Variants in ULK2 observed in about 807,000 individuals in gnomAD.
ULK2 encodes the protein unc-51 like autophagy activating kinase 2, also known as serine/threonine-protein kinase ULK2.
ULK2 carries 76 observed loss-of-function variants against 127.5 expected under a neutral mutation model. That is an observed-to-expected ratio of 0.60 (90% confidence interval 0.50 to 0.72). The LOEUF is 0.72. Ranked by LOEUF, ULK2 falls within the 30% of genes least tolerant of loss-of-function variation. The pLI is 0.00. For synonymous variants in ULK2, 452 were observed against 461.9 expected (o/e 0.98, Z 0.28); for missense variants, 1,144 against 1,295.9 (o/e 0.88, Z 1.80).
chr17:19,853,897 C>G (rs1232483962), intron 3 of ULK2, among the ~76,000 whole-genome samples: 1 of 152,172 alleles, frequency 6.6e-6, no homozygotes, highest in Non-Finnish European at 1.5e-5. Flanking sequence ...ATAACATCAC[C>G]ATGAGTGATA....
chr17:19,841,612 G>T, intron 8 of ULK2, 65 bp from the exon 9 acceptor site: 2 of 1,292,670 alleles, frequency 1.5e-6, no homozygotes, highest in Non-Finnish European at 1.1e-6. Context: ...TCATATGATT[G>T]ACACTCATAT....
chr17:19,783,977 C>A (rs1302267520), intron 21 of ULK2, 72 bp from the exon 22 acceptor site: 2 of 1,259,452 alleles, frequency 1.6e-6, no homozygotes, highest in Non-Finnish European at 2.0e-6. Flanking sequence ...CTCTTATTTA[C>A]TAAACAAACC....
chr17:19,799,701 C>A, intron 16 of ULK2, 126 bp from the exon 17 acceptor site: 1 of 871,002 alleles, frequency 1.1e-6, no homozygotes, highest in Non-Finnish European at 1.6e-6. Flanking sequence ...TTTTAAGTAA[C>A]AAACGTTTAG....
intron 26 of ULK2, among the ~76,000 whole-genome samples, chr17:19,777,004 G>A (rs1324850285): frequency 6.6e-6 from 1 of 152,160 alleles, no homozygotes; most frequent in African/African-American, 2.4e-5. Context: ...CTGCAAGGCA[G>A]GCACTGCTGT....
chr17:19,849,536 T>C, intron 4 of ULK2, 131 bp from the exon 5 acceptor site: 1 of 1,025,378 alleles, frequency 9.8e-7, no homozygotes, highest in Non-Finnish European at 1.4e-6. Flanking sequence ...CATTATAGAT[T>C]CAAAATTTTT....
chr17:19,826,149 T>C lies in ULK2; in HGVS notation c.825A>G (p.Pro275=). ...AAAATGGATACTCACATTTTTTTACTGGACCTTGCTCAAGAAAAGGATGGC... is the reference window on the plus strand; with the variant it reads ...AAAATGGATACTCACATTTTTTTACCGGACCTTGCTCAAGAAAAGGATGGC... The part of the protein sequence containing the change: ...FFSHPFLEQG[P]VKKSCPVPVP... The change falls in exon 11 of 27, where the codon CCA becomes CCG. Residue 275 remains proline (P), a synonymous_variant. Transcript: ENST00000395544. 3.4e-6 allele frequency: 5 copies of C among 1,462,764 alleles called. No individual in the cohort carries two copies. The highest frequency in any genetic ancestry group is 4.6e-6 in the Non-Finnish European group (5 of 1,096,430). The allele number at this position is 1,462,764 out of a possible 1,614,324, so 90.6% of individuals were successfully genotyped here.
At chr17:19,785,798 A>T (rs2087016443) in intron 21 of ULK2, 139 bp downstream of exon 21, 1 of 1,046,856 alleles carries the variant, frequency 9.6e-7, no homozygotes, top group East Asian at 3.1e-5. Context: ...TAAAGAAAAT[A>T]GTAATCTCCA....
intron 25 of ULK2, among the ~76,000 whole-genome samples, chr17:19,779,704 A>G (rs1353215080): frequency 6.6e-6 from 1 of 152,128 alleles, no homozygotes; most frequent in Non-Finnish European, 1.5e-5. Context: ...ATAGGAAAAG[A>G]AGGTTTTACT....
chr17:19,855,722 G>A (rs2042113435), intron 3 of ULK2: 1 of 151,750 alleles, frequency 6.6e-6, no homozygotes, highest in Admixed American at 6.6e-5. Context: ...ATTCCCTCTT[G>A]TTTACCTCCT....
chr17:19,846,745 AT>A lies in ULK2; in HGVS notation c.460del (p.Ile154SerfsTer3). On this transcript the variant is annotated frameshift_variant, in exon 6 of 27. Coordinates refer to ENST00000395544, the MANE Select transcript of ULK2 (RefSeq NM_014683.4). LOFTEE classifies it high-confidence loss of function. ...AATACATGGCCATTTACCTATTTTGATGCGAATACCACTGACACTTGATTTT... is the reference window on the plus strand; with the variant it reads ...AATACATGGCCATTTACCTATTTTGAGCGAATACCACTGACACTTGATTTT... ...RRKSSVSGIR[I>X]KIADFGFARY... 6.2e-7 allele frequency: 1 copy of A among 1,605,886 alleles called. No individual in the cohort carries two copies. Among genetic ancestry groups the A allele is most frequent in the Non-Finnish European group, 8.5e-7 (1 of 1,176,814 alleles).
At chr17:19,790,064 T>TA (rs1248373209) in intron 20 of ULK2, among the ~76,000 whole-genome samples, 10 of 152,094 alleles carry the variant, frequency 6.6e-5, no homozygotes, top group South Asian at 2.1e-4. Flanking sequence ...AGCAAGGAGA[T>TA]AGAGTATTTT....
intron 9 of ULK2, 88 bp from the exon 10 acceptor site, chr17:19,838,671 G>A (rs772159150): frequency 2.3e-5 from 25 of 1,066,060 alleles, no homozygotes; most frequent in African/African-American, 4.8e-5. Context: ...AAACTAAAAC[G>A]TGTATGCGGT....
intron 12 of ULK2, among the ~76,000 whole-genome samples, chr17:19,823,197 G>A (rs2041204569): frequency 7.0e-6 from 1 of 142,970 alleles, no homozygotes; most frequent in Admixed American, 7.4e-5. Context: ...TGAACTCCTG[G>A]AATCAAACAA....
chr17:19,785,544 CA>C (rs1277026269), intron 21 of ULK2, among the ~76,000 whole-genome samples: 3 of 138,786 alleles, frequency 2.2e-5, no homozygotes, highest in Admixed American at 1.4e-4. Flanking sequence ...AAAAAAAAAC[CA>C]AAAAAAAACC....
chr17:19,862,010 T>TG (rs1258216773), intron 3 of ULK2, among the ~76,000 whole-genome samples: 1 of 152,204 alleles, frequency 6.6e-6, no homozygotes, highest in African/African-American at 2.4e-5. Context: ...TTCTAGAAAT[T>TG]GAAGTTAAAT....
At chr17:19,846,604 C>T (rs1374488921) in intron 6 of ULK2, 133 bp downstream of exon 6, 12 of 1,035,518 alleles carry the variant, frequency 1.2e-5, no homozygotes, top group Middle Eastern at 2.6e-4. Flanking sequence ...CGCGCCACTA[C>T]ACGCCAGCCT....
chr17:19,791,649 T>A (rs1381611572), intron 20 of ULK2, among the ~76,000 whole-genome samples: 1 of 151,916 alleles, frequency 6.6e-6, no homozygotes, highest in African/African-American at 2.4e-5. Context: ...TGCACTAATG[T>A]ACTCCAGCCT....
chr17:19,804,717 C>T lies in ULK2; in HGVS notation c.1271G>A (p.Gly424Asp), dbSNP rs542142111. 3.7e-6 allele frequency: 6 copies of T among 1,607,348 alleles called. No homozygotes were observed. Among genetic ancestry groups the T allele is most frequent in the Non-Finnish European group, 5.1e-6 (6 of 1,176,392 alleles). ...EQNLTSTASS[G>D]TNVHGSPRSA... ...CCTTGGAGAACCATGTACATTTGTG[C>T]CTGAGCTGGCAGTAGATGTAAGATT... The change falls in exon 15 of 27, where the codon GGC (glycine) becomes GAC (aspartate). Residue 424 changes from glycine to aspartate, a missense_variant. Transcript: ENST00000395544.
intron 9 of ULK2, chr17:19,840,547 CTAAA>C (rs941829301): frequency 6.3e-6 from 2 of 318,412 alleles, no homozygotes; most frequent in African/African-American, 2.3e-5. Flanking sequence ...GTACTCCTGC[CTAAA>C]TAGTCTATTA....
Sources: allele counts gnomAD v4.1 joint callset (sites outside exome capture counted in the v4.1 genomes callset), GRCh38; gene constraint gnomAD v4.1.1; transcripts MANE v1.5; gene names NCBI Gene and HGNC (gene_info 2026-07-23, HGNC 2026-07-21).